The following MAP3K5 variants were observed in gnomAD, a reference collection of about 807,000 sequenced individuals.
The protein encoded by MAP3K5 is mitogen-activated protein kinase kinase kinase 5, also known as ASK-1.
In MAP3K5, 56 loss-of-function variants were observed where a neutral mutation model predicts 158.7. That is an observed-to-expected ratio of 0.35 (90% CI 0.28 to 0.44). MAP3K5 has a LOEUF of 0.44. Among genes scored for constraint, MAP3K5 ranks in the 20% least tolerant of loss-of-function variants. The pLI, the probability that MAP3K5 is intolerant of heterozygous loss-of-function variation, is 1.00. For missense variants in MAP3K5, 1,294 were observed against 1,674.8 expected, an observed-to-expected ratio of 0.77 and a Z score of 3.97; for synonymous variants, 579 against 601.7, an observed-to-expected ratio of 0.96 and a Z score of 0.55.
intron 1 of MAP3K5, among the ~76,000 whole-genome samples, chr6:136,740,648 T>A (rs927787402): frequency 1.3e-5 from 2 of 152,160 alleles, no homozygotes; most frequent in Non-Finnish European, 2.9e-5. Context: ...AAAGAAGAAA[T>A]GTTACCTGAA....
At chr6:136,593,849 A>T (rs1312168458) in intron 21 of MAP3K5, 3 of 337,774 alleles carry the variant, frequency 8.9e-6, no homozygotes, top group Non-Finnish European at 1.7e-5. Flanking sequence ...GTTGCCTGGA[A>T]TCTCCTTCTT....
intron 1 of MAP3K5, among the ~76,000 whole-genome samples, chr6:136,776,390 G>A (rs1784404791): frequency 6.6e-6 from 1 of 152,122 alleles, no homozygotes; most frequent in South Asian, 2.1e-4. Flanking sequence ...GACTACAGGT[G>A]TGTACCACCA....
At chr6:136,732,349 C>T (rs898174065) in intron 1 of MAP3K5, among the ~76,000 whole-genome samples, 5 of 152,172 alleles carry the variant, frequency 3.3e-5, no homozygotes, top group Non-Finnish European at 7.3e-5. Context: ...CACTTGAACC[C>T]GGGAAGTGGA....
At chr6:136,732,128 T>C (rs1383171881) in intron 1 of MAP3K5, among the ~76,000 whole-genome samples, 3 of 151,798 alleles carry the variant, frequency 2.0e-5, no homozygotes, top group Non-Finnish European at 4.4e-5. Flanking sequence ...ACTTTAAAGG[T>C]AAGAAGGAGA....
At chr6:136,704,439 G>A (rs552377526) in intron 3 of MAP3K5, among the ~76,000 whole-genome samples, 1 of 152,276 alleles carries the variant, frequency 6.6e-6, no homozygotes, top group East Asian at 1.9e-4. Flanking sequence ...ACATACTATA[G>A]ACACATATAC....
chr6:136,606,484 T>C (rs1410603405), intron 18 of MAP3K5, among the ~76,000 whole-genome samples: 1 of 152,226 alleles, frequency 6.6e-6, no homozygotes, highest in African/African-American at 2.4e-5. Context: ...AGTCTGCTTC[T>C]GGCCTAGTAT....
rs750355719 is a variant in MAP3K5, at chr6:136,656,364, A to G, written c.1623T>C (p.Phe541=). Reference sequence around the variant, plus strand: ...TGGCCTCGACCAGGAAATCCATCCAAAAGTCCACAAGTTCTTGCTTGGCCA... The same window carrying G: ...TGGCCTCGACCAGGAAATCCATCCAGAAGTCCACAAGTTCTTGCTTGGCCA... ...QPVAKQELVD[F]WMDFLVEATK... is the part of the protein sequence containing the mutation. The change falls in exon 10 of 30, where the codon TTT becomes TTC. Residue 541 remains phenylalanine (F), a synonymous_variant. Coordinates refer to ENST00000359015, the MANE Select transcript of MAP3K5 (RefSeq NM_005923.4). 14 of 1,614,010 alleles carry G rather than the reference A, an allele frequency of 8.7e-6. No homozygotes were observed. The highest frequency in any genetic ancestry group is 1.2e-5 in the Non-Finnish European group (14 of 1,179,886).
Position 136,705,589 on chromosome 6 carries a change from A to T in MAP3K5, c.589-456T>A, listed in dbSNP as rs370689675. Among the ~76,000 whole-genome samples the T allele has an allele frequency of 3.4e-4, 52 of 152,332 alleles. 2 individuals are homozygous for T. The South Asian group carries it at 0.011, about 32-fold the overall frequency. On this transcript the variant is annotated intron_variant, in intron 2 of 29. Transcript: ENST00000359015. ...CCAAAATGCTGGGATTACAGGTGCG[A>T]GCCACGATGCCCGGCCTAAAAAGTT...
chr6:136,566,470 A>T (rs775257646), intron 26 of MAP3K5, among the ~76,000 whole-genome samples: 1 of 152,230 alleles, frequency 6.6e-6, no homozygotes, highest in African/African-American at 2.4e-5. Context: ...TAAGTGACTA[A>T]CATGGACACC....
At chr6:136,571,714 G>C (rs1169475919) in intron 25 of MAP3K5, among the ~76,000 whole-genome samples, 1 of 152,214 alleles carries the variant, frequency 6.6e-6, no homozygotes, top group Non-Finnish European at 1.5e-5. Flanking sequence ...CTATGAATAT[G>C]AATGTGCAAA....
intron 7 of MAP3K5, among the ~76,000 whole-genome samples, chr6:136,673,758 G>C (rs184636346): frequency 5.5e-5 from 8 of 146,662 alleles, no homozygotes; most frequent in Admixed American, 3.4e-4. Context: ...CAAAGCATAA[G>C]AAACAGAGGA....
At chr6:136,588,485 A>T (rs1277805216) in intron 23 of MAP3K5, among the ~76,000 whole-genome samples, 1 of 152,222 alleles carries the variant, frequency 6.6e-6, no homozygotes, top group Non-Finnish European at 1.5e-5. Flanking sequence ...GTTAGCTGTT[A>T]TTACTATATG....
chr6:136,766,051 A>C (rs185886755), intron 1 of MAP3K5, among the ~76,000 whole-genome samples: 14 of 152,222 alleles, frequency 9.2e-5, no homozygotes, highest in Non-Finnish European at 1.9e-4. Context: ...CCAACTCCCA[A>C]AGAGCCATCC....
chr6:136,786,379 CAAAAAAAAA>C (rs11398691), intron 1 of MAP3K5, among the ~76,000 whole-genome samples: 3 of 81,008 alleles, frequency 3.7e-5, no homozygotes, highest in African/African-American at 1.5e-4. Flanking sequence ...AACTCCATCT[CAAAAAAAAA>C]AAAAAAAAAA....
chr6:136,615,765 G>A (rs979820676), intron 15 of MAP3K5, among the ~76,000 whole-genome samples: 1 of 152,208 alleles, frequency 6.6e-6, no homozygotes, highest in Admixed American at 6.5e-5. Context: ...GGAGGCTACA[G>A]GTGTGAAATA....
At chr6:136,671,846 G>A (rs1391773151) in intron 7 of MAP3K5, among the ~76,000 whole-genome samples, 2 of 150,664 alleles carry the variant, frequency 1.3e-5, no homozygotes, top group African/African-American at 4.9e-5. Context: ...GGCTGGTCTC[G>A]AACTCCAGAC....
intron 1 of MAP3K5, among the ~76,000 whole-genome samples, chr6:136,735,235 A>G (rs1247073881): frequency 6.6e-6 from 1 of 152,222 alleles, no homozygotes; most frequent in African/African-American, 2.4e-5. Flanking sequence ...TGATACAGAA[A>G]AACTTAGACT....
At chr6:136,767,314 G>T (rs1784006863) in intron 1 of MAP3K5, among the ~76,000 whole-genome samples, 1 of 151,288 alleles carries the variant, frequency 6.6e-6, no homozygotes, top group Non-Finnish European at 1.5e-5. Flanking sequence ...ATAAAGGAGA[G>T]AGAATAGAAA....
intron 1 of MAP3K5, among the ~76,000 whole-genome samples, chr6:136,749,243 C>T (rs972944121): frequency 3.4e-4 from 51 of 152,028 alleles, no homozygotes; most frequent in Admixed American, 1.8e-3. Flanking sequence ...TATGGTGGCA[C>T]GCGCCTCTAA....
Sources: allele counts gnomAD v4.1 joint callset (sites outside exome capture counted in the v4.1 genomes callset), GRCh38; gene constraint gnomAD v4.1.1; transcripts MANE v1.5; gene names NCBI Gene and HGNC (gene_info 2026-07-23, HGNC 2026-07-21).